Variants in PKHD1 observed in about 807,000 individuals in gnomAD.
The protein encoded by PKHD1 is fibrocystin.
Under a neutral mutation model 412.0 loss-of-function variants are expected in PKHD1, and 291 were observed. The observed-to-expected ratio is 0.71, with a 90% confidence interval of 0.64 to 0.78. PKHD1 has a LOEUF of 0.78. Ranked by LOEUF, PKHD1 falls within the 30% of genes least tolerant of loss-of-function variation. The probability of loss-of-function intolerance (pLI) is 0.00; values close to 1 mark genes in which losing one functional copy is unlikely to be tolerated. For synonymous variants in PKHD1, 1,777 were observed against 1,821.5 expected, an observed-to-expected ratio of 0.98 and a Z score of 0.62; for missense variants, 4,825 against 4,950.7, an observed-to-expected ratio of 0.97 and a Z score of 0.76.
chr6:51,871,102 T>C (rs1177436594), intron 46 of PKHD1, among the ~76,000 whole-genome samples: 1 of 152,202 alleles, frequency 6.6e-6, no homozygotes, highest in Non-Finnish European at 1.5e-5. Context: ...AGACAGCCAC[T>C]GTGGAAAACT....
chr6:51,666,902 C>A (rs1291141041), intron 60 of PKHD1, among the ~76,000 whole-genome samples: 1 of 152,014 alleles, frequency 6.6e-6, no homozygotes, highest in East Asian at 1.9e-4. Flanking sequence ...CCATAGTATT[C>A]CATGGTGTAT....
chr6:51,881,706 A>T (rs1185714583), intron 46 of PKHD1, among the ~76,000 whole-genome samples: 3 of 152,194 alleles, frequency 2.0e-5, no homozygotes, highest in Non-Finnish European at 2.9e-5. Context: ...CTGCCATTCA[A>T]GTTTCCAAGC....
intron 60 of PKHD1, among the ~76,000 whole-genome samples, chr6:51,740,565 A>G (rs1257954279): frequency 3.9e-5 from 6 of 152,206 alleles, no homozygotes; most frequent in Non-Finnish European, 8.8e-5. Flanking sequence ...GCTTTCTCTG[A>G]TTTACTGAAG....
At position 51,832,218 on chromosome 6, in the gene PKHD1, C is replaced by T. The variant is rs772987857; in HGVS notation, c.8174-1229G>A. On this transcript the variant is annotated intron_variant, in intron 51 of 66. Coordinates refer to ENST00000371117, the MANE Select transcript of PKHD1 (RefSeq NM_138694.4). ...AGTTCTTTTTAATGGTACCTGATCA[C>T]GAAAGGAAGCAAGATTTTGCCAGGA... is the stretch of plus-strand genomic sequence containing the variant. Among the ~76,000 whole-genome samples, 5 of 151,882 alleles carry T rather than the reference C, an allele frequency of 3.3e-5. 1 individual carries two copies. Among genetic ancestry groups the T allele is most frequent in the Admixed American group, 1.3e-4 (2 of 15,250 alleles).
chr6:51,653,958 T>C (rs1305213009), intron 61 of PKHD1, among the ~76,000 whole-genome samples: 1 of 152,200 alleles, frequency 6.6e-6, no homozygotes, highest in Non-Finnish European at 1.5e-5. Flanking sequence ...CAAATTTTCC[T>C]GTTTAGCCTG....
chr6:51,657,552 A>G (rs867485548), intron 61 of PKHD1, among the ~76,000 whole-genome samples: 39 of 152,294 alleles, frequency 2.6e-4, no homozygotes, highest in African/African-American at 8.9e-4. Context: ...AATCAATGCT[A>G]TATTATACAC....
At chr6:51,637,423 C>T (rs1326597905) in intron 64 of PKHD1, among the ~76,000 whole-genome samples, 1 of 152,100 alleles carries the variant, frequency 6.6e-6, no homozygotes, top group African/African-American at 2.4e-5. Context: ...AAGCAATCAT[C>T]CTCTGAAGTA....
intron 60 of PKHD1, among the ~76,000 whole-genome samples, chr6:51,708,152 C>A (rs1442474087): frequency 3.9e-5 from 6 of 152,154 alleles, no homozygotes; most frequent in Non-Finnish European, 7.4e-5. Flanking sequence ...GCTTCTCCTG[C>A]AGGATTCTCC....
intron 43 of PKHD1, among the ~76,000 whole-genome samples, chr6:51,893,172 C>T (rs1301606140): frequency 6.6e-6 from 1 of 152,194 alleles, no homozygotes; most frequent in Non-Finnish European, 1.5e-5. Context: ...CCACACAGCT[C>T]TATTTCATTA....
At chr6:51,637,623 A>C (rs1388633630) in intron 64 of PKHD1, among the ~76,000 whole-genome samples, 2 of 151,108 alleles carry the variant, frequency 1.3e-5, no homozygotes, top group East Asian at 1.9e-4. Context: ...AAAAAAATCC[A>C]GGCTGGGCGT....
rs1382326473 is a variant in PKHD1 at position 52,072,167 on chromosome 6, C to T, written c.550G>A (p.Gly184Arg). 1 of 1,608,780 alleles carries T rather than the reference C, an allele frequency of 6.2e-7. No homozygotes were observed. The highest frequency in any genetic ancestry group is 8.5e-7 in the Non-Finnish European group (1 of 1,175,276). Residue 184 changes from glycine to arginine, a missense_variant, in exon 8 of 67, where the codon GGA becomes AGA. Physicochemically the swap from Gly to Arg is moderately radical, Grantham distance 125 (BLOSUM62 -2). Coordinates refer to ENST00000371117, the MANE Select transcript of PKHD1 (RefSeq NM_138694.4). The part of the protein sequence containing the change: ...IDSPVILEAQ[G>R]DKWVTPCSLI... The stretch of plus-strand genomic sequence containing the variant: ...GAGCAAGGAGTAACCCATTTGTCTC[C>T]TTGAGCTTCCAAGATCACTGGGCTG...
intron 60 of PKHD1, among the ~76,000 whole-genome samples, chr6:51,724,313 C>G (rs148170836): frequency 4.6e-5 from 7 of 152,244 alleles, no homozygotes; most frequent in Non-Finnish European, 1.0e-4. Flanking sequence ...TTTGAGACCA[C>G]GTACTCCCCC....
chr6:52,039,469 C>T (rs1804479660), intron 27 of PKHD1, among the ~76,000 whole-genome samples: 1 of 152,216 alleles, frequency 6.6e-6, no homozygotes, highest in South Asian at 2.1e-4. Context: ...GATGTGCTTG[C>T]TTCCCCTTCA....
chr6:51,667,524 T>G (rs1297659946), intron 60 of PKHD1, among the ~76,000 whole-genome samples: 1 of 151,604 alleles, frequency 6.6e-6, no homozygotes, highest in Non-Finnish European at 1.5e-5. Flanking sequence ...TAGTTTCTTT[T>G]GCTGTGCAGA....
At chr6:51,690,271 C>CAAAAAAAAAA (rs70977310) in intron 60 of PKHD1, among the ~76,000 whole-genome samples, 76 of 109,904 alleles carry the variant, frequency 6.9e-4, no homozygotes, top group Non-Finnish European at 1.1e-3. Flanking sequence ...GACTCCATCT[C>CAAAAAAAAAA]AAAAAAAAAA....
intron 66 of PKHD1, among the ~76,000 whole-genome samples, chr6:51,623,438 C>T (rs1205977585): frequency 2.0e-5 from 3 of 152,102 alleles, no homozygotes; most frequent in Non-Finnish European, 2.9e-5. Flanking sequence ...ATTTTTTGGA[C>T]TGACATTATA....
chr6:51,848,881 T>G (rs1771676366), intron 49 of PKHD1, among the ~76,000 whole-genome samples: 2 of 149,508 alleles, frequency 1.3e-5, no homozygotes, highest in Admixed American at 1.3e-4. Flanking sequence ...TATGGAAAAA[T>G]GTACCCACTT....
chr6:51,665,761 A>C (rs1052768475), intron 60 of PKHD1, among the ~76,000 whole-genome samples: 1 of 152,122 alleles, frequency 6.6e-6, no homozygotes. Flanking sequence ...ATAAGACAGA[A>C]CTCATAAAAA....
At chr6:51,740,995 A>G (rs576104220) in intron 60 of PKHD1, among the ~76,000 whole-genome samples, 1 of 152,300 alleles carries the variant, frequency 6.6e-6, no homozygotes, top group African/African-American at 2.4e-5. Flanking sequence ...ACATTCAGCC[A>G]CTCACACACA....
Sources: gnomAD v4.1 joint callset for allele counts (sites outside exome capture counted in the v4.1 genomes callset) on GRCh38, gnomAD v4.1.1 for gene constraint, MANE v1.5 for transcripts, NCBI Gene and HGNC (gene_info 2026-07-23, HGNC 2026-07-21) for gene names.